Variants in ANKRD31 observed in about 807,000 individuals in gnomAD.
ANKRD31 encodes ankyrin repeat domain 31, also known as ankyrin repeat domain-containing protein 31.
ANKRD31 carries 147 observed loss-of-function variants against 186.0 expected under a neutral mutation model. The observed-to-expected ratio is 0.79, with a 90% CI of 0.69 to 0.91. The LOEUF is 0.91. Among genes scored for constraint, ANKRD31 ranks in the 40% least tolerant of loss-of-function variants. The pLI is 0.00. For missense variants in ANKRD31, 1,986 were observed against 2,148.8 expected (o/e 0.92, Z 1.50); for synonymous variants, 673 against 736.4 (o/e 0.91, Z 1.39).
At chr5:75,119,792 T>G (rs953155252) in intron 17 of ANKRD31, among the ~76,000 whole-genome samples, 1 of 152,196 alleles carries the variant, frequency 6.6e-6, no homozygotes, top group Non-Finnish European at 1.5e-5. Flanking sequence ...CCATTCTGAC[T>G]GGTGCGAGAT....
At chr5:75,167,938 C>G (rs979467235) in intron 11 of ANKRD31, among the ~76,000 whole-genome samples, 6 of 152,136 alleles carry the variant, frequency 3.9e-5, no homozygotes, top group African/African-American at 1.4e-4. Context: ...TTCTCTGCTT[C>G]TGACAGAGAA....
At chr5:75,186,827 C>T (rs1754744594) in intron 10 of ANKRD31, among the ~76,000 whole-genome samples, 1 of 152,176 alleles carries the variant, frequency 6.6e-6, no homozygotes, top group Admixed American at 6.5e-5. Flanking sequence ...GTTCATTTCT[C>T]ACAGGGCAGT....
chr5:75,220,020 G>A (rs1048633170), intron 3 of ANKRD31, among the ~76,000 whole-genome samples: 6 of 152,052 alleles, frequency 3.9e-5, no homozygotes, highest in South Asian at 2.1e-4. Context: ...AATATAAAAC[G>A]TAAAACTATA....
chr5:75,126,821 T>G (rs1749295453), intron 17 of ANKRD31, among the ~76,000 whole-genome samples: 1 of 152,154 alleles, frequency 6.6e-6, no homozygotes, highest in Non-Finnish European at 1.5e-5. Flanking sequence ...ATTTTATATA[T>G]GATGAAAATT....
chr5:75,076,781 A>C (rs1744685510), intron 25 of ANKRD31, among the ~76,000 whole-genome samples: 2 of 152,170 alleles, frequency 1.3e-5, no homozygotes, highest in Admixed American at 1.3e-4. Context: ...AAAGATGCCT[A>C]TATCACTCTT....
At position 75,134,336 on chromosome 5, in the gene ANKRD31, C is replaced by A. The variant is rs991888744; in HGVS notation, c.3876+3520G>T. On this transcript the variant is annotated intron_variant, in intron 17 of 25. Coordinates refer to ENST00000506364, the MANE Select transcript of ANKRD31 (RefSeq NM_001372053.1). The stretch of plus-strand genomic sequence containing the variant: ...AATAAAAATGATAAAGGTGATATCA[C>A]CACCGATTCCACAGAAATACAAACT... Among the ~76,000 whole-genome samples the A allele has an allele frequency of 6.0e-4, 91 of 152,156 alleles. 1 individual carries two copies. The highest frequency in any genetic ancestry group is 2.1e-3 in the African/African-American group (86 of 41,520).
At chr5:75,116,158 A>G (rs1042677712) in intron 19 of ANKRD31, among the ~76,000 whole-genome samples, 1 of 149,980 alleles carries the variant, frequency 6.7e-6, no homozygotes, top group Non-Finnish European at 1.5e-5. Context: ...CTATCACAAG[A>G]ACAAAAAACC....
At chr5:75,227,597 C>T (rs914513807) in intron 2 of ANKRD31, among the ~76,000 whole-genome samples, 1 of 152,126 alleles carries the variant, frequency 6.6e-6, no homozygotes, top group African/African-American at 2.4e-5. Context: ...TGCTACTTGA[C>T]TCCGTAACTC....
chr5:75,230,512 G>A (rs1198980283), intron 2 of ANKRD31, 50 bp downstream of exon 2: 2 of 1,380,660 alleles, frequency 1.4e-6, no homozygotes, highest in East Asian at 5.1e-5. Flanking sequence ...ATTAAATGGG[G>A]ACTAACTGGG....
At chr5:75,224,214 C>T (rs1757503859) in intron 2 of ANKRD31, among the ~76,000 whole-genome samples, 1 of 142,406 alleles carries the variant, frequency 7.0e-6, no homozygotes, top group Non-Finnish European at 1.5e-5. Context: ...CAGAAAACCA[C>T]CCAGTTCAGA....
intron 22 of ANKRD31, among the ~76,000 whole-genome samples, chr5:75,091,726 G>GT (rs1416222814): frequency 6.6e-6 from 1 of 152,092 alleles, no homozygotes; most frequent in Non-Finnish European, 1.5e-5. Context: ...AGGGCTCCCT[G>GT]TTACAGGGCT....
chr5:75,132,533 A>G (rs1749955616), intron 17 of ANKRD31, among the ~76,000 whole-genome samples: 2 of 152,208 alleles, frequency 1.3e-5, no homozygotes, highest in South Asian at 2.1e-4. Context: ...GACCAAATAT[A>G]CATCTGATCG....
At chr5:75,177,202 G>T (rs1224379365) in intron 10 of ANKRD31, among the ~76,000 whole-genome samples, 1 of 152,088 alleles carries the variant, frequency 6.6e-6, no homozygotes, top group Admixed American at 6.5e-5. Context: ...AAAAAGAAAT[G>T]AACAAAGCCT....
At chr5:75,176,864 T>G (rs1753846437) in intron 10 of ANKRD31, among the ~76,000 whole-genome samples, 3 of 151,894 alleles carry the variant, frequency 2.0e-5, no homozygotes. Flanking sequence ...TCACCAGCAA[T>G]GGAACAAAGC....
intron 6 of ANKRD31, among the ~76,000 whole-genome samples, chr5:75,198,775 G>A (rs1755629701): frequency 6.6e-6 from 1 of 152,158 alleles, no homozygotes; most frequent in Non-Finnish European, 1.5e-5. Flanking sequence ...CATTTACTAA[G>A]CACCAACTAG....
intron 4 of ANKRD31, among the ~76,000 whole-genome samples, chr5:75,210,486 G>C (rs567773484): frequency 6.6e-6 from 1 of 151,956 alleles, no homozygotes; most frequent in African/African-American, 2.4e-5. Flanking sequence ...GTTTCTTAAG[G>C]TATAATAAGT....
At chr5:75,171,811 C>T (rs1272148024) in intron 10 of ANKRD31, among the ~76,000 whole-genome samples, 1 of 150,410 alleles carries the variant, frequency 6.6e-6, no homozygotes, top group East Asian at 1.9e-4. Context: ...ACTATAGGCC[C>T]AGATGGTTTC....
intron 20 of ANKRD31, among the ~76,000 whole-genome samples, chr5:75,110,936 G>T (rs1747730010): frequency 6.6e-6 from 1 of 151,058 alleles, no homozygotes. Flanking sequence ...GATTTAAAAT[G>T]CTTATATAAT....
intron 10 of ANKRD31, among the ~76,000 whole-genome samples, chr5:75,179,784 T>C (rs1754134046): frequency 6.6e-6 from 1 of 152,176 alleles, no homozygotes; most frequent in African/African-American, 2.4e-5. Flanking sequence ...TCATACTGAA[T>C]GGACAAAAAC....
Sources: gnomAD v4.1 joint callset for allele counts (sites outside exome capture counted in the v4.1 genomes callset) on GRCh38, gnomAD v4.1.1 for gene constraint, MANE v1.5 for transcripts, NCBI Gene and HGNC (gene_info 2026-07-23, HGNC 2026-07-21) for gene names.